The following CDH23 variants were observed in gnomAD, a reference collection of about 807,000 sequenced individuals.
CDH23 encodes the protein cadherin-23.
In CDH23, 189 loss-of-function variants were observed where a neutral mutation model predicts 317.1. The observed-to-expected ratio is 0.60, with a 90% confidence interval of 0.53 to 0.67. CDH23 has a LOEUF of 0.67. CDH23 is among the 30% of genes least tolerant of loss of function. CDH23 has a pLI of 0.00. For missense variants in CDH23, 4,401 were observed against 4,592.4 expected (o/e 0.96, Z 1.20); for synonymous variants, 1,839 against 1,876.8 (o/e 0.98, Z 0.52).
chr10:71,665,790 A>G (rs1395733274), intron 14 of CDH23, among the ~76,000 whole-genome samples: 1 of 152,176 alleles, frequency 6.6e-6, no homozygotes, highest in Non-Finnish European at 1.5e-5. Context: ...TGGGATTTCC[A>G]TGACTTTGCA....
chr10:71,478,121 CA>C (rs1381859758), intron 3 of CDH23, among the ~76,000 whole-genome samples: 1 of 152,172 alleles, frequency 6.6e-6, no homozygotes, highest in African/African-American at 2.4e-5. Flanking sequence ...ACATGTCTGC[CA>C]AAAGAATCTT....
At chr10:71,625,249 CACT>C (rs1449965704) in intron 11 of CDH23, among the ~76,000 whole-genome samples, 4 of 151,392 alleles carry the variant, frequency 2.6e-5, no homozygotes, top group Non-Finnish European at 5.9e-5. Flanking sequence ...GAGGGGCCTG[CACT>C]GCAGAGTGAA....
At chr10:71,619,133 G>A (rs959673050) in intron 11 of CDH23, among the ~76,000 whole-genome samples, 1 of 151,998 alleles carries the variant, frequency 6.6e-6, no homozygotes, top group Non-Finnish European at 1.5e-5. Context: ...CCAGGAGTTC[G>A]AGACCAGCCT....
At position 71,398,134 on chromosome 10, in the gene CDH23, G is replaced by T. The variant is rs530518637; in HGVS notation, c.-6+816G>T. Reference sequence around the variant, plus strand: ...ACTCTGCCTGGCTTTCTCGGAGCGGGCACCTAGAGAGGCTGCCTCCGTGCT... The same window carrying T: ...ACTCTGCCTGGCTTTCTCGGAGCGGTCACCTAGAGAGGCTGCCTCCGTGCT... On this transcript the variant is annotated intron_variant, in intron 1 of 69. Coordinates refer to ENST00000224721, the MANE Select transcript of CDH23 (RefSeq NM_022124.6). Among the ~76,000 whole-genome samples the T allele has an allele frequency of 2.6e-5, 4 of 152,332 alleles. No homozygotes were observed. In the South Asian group the frequency reaches 8.3e-4, roughly 32 times the overall value.
chr10:71,788,915 A>G (rs1447692806), intron 44 of CDH23, 25 bp from the exon 45 acceptor site: 2 of 1,226,960 alleles, frequency 1.6e-6, no homozygotes, highest in South Asian at 1.2e-5. Flanking sequence ...ATGGCCTACA[A>G]CGTGCCCCAT....
intron 1 of CDH23, among the ~76,000 whole-genome samples, chr10:71,419,157 C>T (rs1423222508): frequency 6.6e-6 from 1 of 152,192 alleles, no homozygotes; most frequent in Non-Finnish European, 1.5e-5. Flanking sequence ...TCCCTGCCCT[C>T]TAAGACATAT....
chr10:71,530,911 C>G (rs1193489961), intron 6 of CDH23, among the ~76,000 whole-genome samples: 1 of 152,246 alleles, frequency 6.6e-6, no homozygotes, highest in Admixed American at 6.5e-5. Context: ...AATGTGACTG[C>G]CCTGGGTTAC....
chr10:71,643,497 C>T (rs1862666396), intron 11 of CDH23, among the ~76,000 whole-genome samples: 1 of 152,148 alleles, frequency 6.6e-6, no homozygotes. Flanking sequence ...CCCCTCCCAT[C>T]CCAGCCTACA....
At chr10:71,719,945 T>C (rs1447524424) in intron 28 of CDH23, 1 of 152,788 alleles carries the variant, frequency 6.5e-6, no homozygotes, top group Non-Finnish European at 1.5e-5. Context: ...CCACCGCCTC[T>C]CTCCAGCCTG....
rs4747201 is a variant in CDH23, at chr10:71,814,710, C to T, written c.9739-242C>T. 0.1 allele frequency among the ~76,000 whole-genome samples: 12,571 copies of T among 120,880 alleles called. 863 individuals carry two copies. Among genetic ancestry groups the T allele is most frequent in the East Asian group, 0.33 (1,464 of 4,460 alleles). 79.3% of individuals were successfully genotyped at this position (120,880 alleles called of 152,430 possible). A position where few individuals can be genotyped will look rare whatever the true frequency, so the allele number is the denominator to read the frequency against. On this transcript the variant is annotated intron_variant, in intron 69 of 69. Transcript: ENST00000224721. ...CACACACACAATTTTCACAAGAAGC[C>T]GATACACACACACACACACACACAC... is the stretch of plus-strand genomic sequence containing the variant.
At chr10:71,475,446 G>A (rs915187599) in intron 3 of CDH23, among the ~76,000 whole-genome samples, 7 of 152,206 alleles carry the variant, frequency 4.6e-5, no homozygotes, top group African/African-American at 1.7e-4. Flanking sequence ...GGAGGGTCTA[G>A]GAGGGCGGTT....
intron 9 of CDH23, among the ~76,000 whole-genome samples, chr10:71,596,261 A>G (rs1295649380): frequency 2.6e-5 from 4 of 152,148 alleles, no homozygotes; most frequent in African/African-American, 7.2e-5. Context: ...TGCATCTTAC[A>G]CTTACAACAA....
At chr10:71,464,428 TC>T (rs537103875) in intron 3 of CDH23, among the ~76,000 whole-genome samples, 23 of 152,266 alleles carry the variant, frequency 1.5e-4, no homozygotes, top group African/African-American at 5.1e-4. Context: ...TGTCTGTGTC[TC>T]CCTACCTGCA....
In CDH23 at chr10:71,811,737, T is replaced by C. The variant is rs768544288; in HGVS notation, c.9303T>C (p.Ile3101=). ...RTVHKRKLKA[I]VAGSAGNRGF... is the part of the protein sequence containing the mutation. ...GACACAAGAGGAAGCTCAAGGCCAT[T>C]GTGGCTGGCTCAGCTGGTAAGTGAG... The change falls in exon 65 of 70, where the codon ATT becomes ATC. Residue 3101 remains isoleucine (I), a synonymous_variant. Transcript: ENST00000224721. 4.4e-6 allele frequency: 7 copies of C among 1,587,736 alleles called. No individual in the cohort carries two copies. In the East Asian group the frequency reaches 1.4e-4, roughly 31 times the overall value.
In CDH23 at chr10:71,751,557, C is replaced by T. The variant is rs1393542874; in HGVS notation, c.4845+9636C>T. 5 of 1,219,288 alleles carry T rather than the reference C, an allele frequency of 4.1e-6. No homozygotes were observed. The East Asian group carries it at 7.8e-5, about 19-fold the overall frequency. 75.5% of individuals were successfully genotyped at this position (1,219,288 alleles called of 1,614,324 possible). ...CTGTCCCTCACCCTCAACCCCACCC[C>T]GTGAGGCCGTGGAACTCTTCAGGGA... On this transcript the variant is annotated intron_variant, in intron 38 of 69. Coordinates refer to ENST00000224721, the MANE Select transcript of CDH23 (RefSeq NM_022124.6). This position sits in a 1 kb window ranked among gnomAD's most constrained non-coding sequence, Gnocchi z 4.9.
In CDH23 at chr10:71,675,187, G is replaced by T. The variant is rs187591067; in HGVS notation, c.1514+11G>T. The T allele has an allele frequency of 5.0e-6, 8 of 1,612,580 alleles. No individual in the cohort carries two copies. The East Asian group carries it at 1.3e-4, about 27-fold the overall frequency. The stretch of plus-strand genomic sequence containing the variant: ...TGATGACCCTGACAGGTGAGACTCT[G>T]CCCACAGCCCCTCAGGCCCCTCCGC... On this transcript the variant is annotated intron_variant, in intron 15 of 69. Transcript: ENST00000224721.
intron 38 of CDH23, among the ~76,000 whole-genome samples, chr10:71,747,326 C>T (rs61026199): frequency 3.9e-5 from 6 of 152,166 alleles, no homozygotes; most frequent in African/African-American, 1.4e-4. Flanking sequence ...AAGGAGCCTA[C>T]CCATCAGCAG....
chr10:71,718,660 G>A (rs1866405310), intron 28 of CDH23, among the ~76,000 whole-genome samples: 1 of 152,250 alleles, frequency 6.6e-6, no homozygotes, highest in South Asian at 2.1e-4. Flanking sequence ...AATGGGAGAT[G>A]CCTCAATCCT....
chr10:71,614,994 G>A (rs1861103241), intron 9 of CDH23, among the ~76,000 whole-genome samples: 1 of 151,870 alleles, frequency 6.6e-6, no homozygotes, highest in Admixed American at 6.6e-5. Context: ...TACATTTTTT[G>A]TAAAAGGAAA....
Sources: allele counts gnomAD v4.1 joint callset (sites outside exome capture counted in the v4.1 genomes callset), GRCh38; gene constraint gnomAD v4.1.1; non-coding constraint Gnocchi (gnomAD v3.1); transcripts MANE v1.5; gene names NCBI Gene and HGNC (gene_info 2026-07-23, HGNC 2026-07-21).